The following TMEM245 variants were observed in gnomAD, a reference collection of about 807,000 sequenced individuals.
The protein encoded by TMEM245 is transmembrane protein 245, also known as protein CG-2.
Under a neutral mutation model 101.2 loss-of-function variants are expected in TMEM245, and 69 were observed. The ratio of observed to expected loss-of-function variants is 0.68; its 90% confidence interval spans 0.56 to 0.83. The LOEUF is 0.83. Ranked by LOEUF, TMEM245 falls within the 40% of genes least tolerant of loss-of-function variation. The pLI, the probability that TMEM245 is intolerant of heterozygous loss-of-function variation, is 0.00. For missense variants in TMEM245, 1,075 were observed against 1,092.8 expected, an observed-to-expected ratio of 0.98 and a Z score of 0.23; for synonymous variants, 537 against 449.8, an observed-to-expected ratio of 1.19 and a Z score of -2.45.
intron 9 of TMEM245, among the ~76,000 whole-genome samples, chr9:109,067,717 CATT>C (rs1425101713): frequency 6.6e-6 from 1 of 152,132 alleles, no homozygotes; most frequent in Non-Finnish European, 1.5e-5. Context: ...TGTATAACAT[CATT>C]ATTTTCTTTA....
At chr9:109,046,246 T>C in intron 14 of TMEM245, 1 of 534,596 alleles carries the variant, frequency 1.9e-6, no homozygotes, top group South Asian at 1.4e-5. Flanking sequence ...TCACACACAC[T>C]AAATTGCATT....
At chr9:109,101,336 G>C (rs536690365) in intron 3 of TMEM245, among the ~76,000 whole-genome samples, 7 of 152,150 alleles carry the variant, frequency 4.6e-5, no homozygotes, top group Admixed American at 2.0e-4. Flanking sequence ...AAATGACAAG[G>C]AAAGAGCCGA....
At position 109,035,188 on chromosome 9, in the gene TMEM245, GTTTC is replaced by G. The variant is rs922351807; in HGVS notation, c.2399+1014_2399+1017del. On this transcript the variant is annotated intron_variant, in intron 16 of 17. Coordinates refer to ENST00000374586, the MANE Select transcript of TMEM245 (RefSeq NM_032012.4). The stretch of plus-strand genomic sequence containing the variant: ...AAAAAAAAAAAAAAAAAAAGACAGT[GTTTC>G]TTTAATTCCAGCTGTAAACCTTAAT... Among the ~76,000 whole-genome samples the G allele has an allele frequency of 9.1e-4, 132 of 144,580 alleles. 1 individual carries two copies. The highest frequency in any genetic ancestry group is 3.0e-3 in the African/African-American group (121 of 39,844). The allele number at this position is 144,580 out of a possible 152,430, so 94.9% of individuals were successfully genotyped here.
rs1257967087 is a variant in TMEM245 at position 109,018,464 on chromosome 9, A to T, written c.*1996T>A. On this transcript the variant is annotated 3_prime_UTR_variant, in exon 18 of 18. Coordinates refer to ENST00000374586, the MANE Select transcript of TMEM245 (RefSeq NM_032012.4). ...GAAAAACATGAGTTACTTAGTGACC[A>T]AATCTAATACTCAGTGGAATAGCTG... The T allele has an allele frequency of 2.0e-5, 3 of 152,188 alleles. No homozygotes were observed. Among genetic ancestry groups the T allele is most frequent in the Admixed American group, 1.3e-4 (2 of 15,274 alleles). The allele number at this position is 152,188 out of a possible 1,614,324, so 9.4% of individuals were successfully genotyped here.
At chr9:109,042,177 T>A (rs1056211288) in intron 14 of TMEM245, among the ~76,000 whole-genome samples, 1 of 152,170 alleles carries the variant, frequency 6.6e-6, no homozygotes, top group African/African-American at 2.4e-5. Context: ...TCCGGTATGC[T>A]ACCTGCATGT....
rs1186683223 is a variant in TMEM245 at position 109,018,436 on chromosome 9, A to G, written c.*2024T>C. The stretch of plus-strand genomic sequence containing the variant: ...TTAGTGAATGAATGAATGATTGACT[A>G]AAGAAAAACATGAGTTACTTAGTGA... On this transcript the variant is annotated 3_prime_UTR_variant, in exon 18 of 18. Coordinates refer to ENST00000374586, the MANE Select transcript of TMEM245 (RefSeq NM_032012.4). The G allele has an allele frequency of 6.6e-6, 1 of 152,214 alleles. No homozygotes were observed. Among genetic ancestry groups the G allele is most frequent in the Non-Finnish European group, 1.5e-5 (1 of 68,038 alleles). 9.4% of individuals were successfully genotyped at this position (152,214 alleles called of 1,614,324 possible).
At position 109,020,474 on chromosome 9, in the gene TMEM245, A is replaced by T. The variant is rs776619685; in HGVS notation, c.2626T>A (p.Ser876Thr). 6.2e-7 allele frequency: 1 copy of T among 1,614,168 alleles called. No homozygotes were observed. Among genetic ancestry groups the T allele is most frequent in the South Asian group, 1.1e-5 (1 of 91,078 alleles). ...AGGAAACCACATCAACCTACTGAAG[A>T]TTTCAGATCTTCAGAAATGTCACGG... ...TFRDISEDLK[S>T]SVG The change falls in exon 18 of 18, where the codon TCT (serine) becomes ACT (threonine). Residue 876 changes from serine to threonine, a missense_variant. Ser to Thr is a moderately conservative substitution (Grantham distance 58, BLOSUM62 1). This residue lies in a region of TMEM245 where 267 missense variants were observed against 351.3 expected (regional missense o/e 0.76). Transcript: ENST00000374586.
chr9:109,085,364 A>C (rs1829800297), intron 7 of TMEM245, among the ~76,000 whole-genome samples: 1 of 152,250 alleles, frequency 6.6e-6, no homozygotes, highest in South Asian at 2.1e-4. Flanking sequence ...CCTTTATTGA[A>C]GTTATTAAAA....
rs1564173521 is a variant in TMEM245 at position 109,038,134 on chromosome 9, TA to T, written c.2124-18del. The T allele has an allele frequency of 2.5e-6, 4 of 1,596,374 alleles. No homozygotes were observed. Among genetic ancestry groups the T allele is most frequent in the Non-Finnish European group, 3.4e-6 (4 of 1,168,988 alleles). ...AACACCCCTCTGGAATGCCCAAAGA[TA>T]AAAAGAAAGAGTAAATAAACAGTGT... On this transcript the variant is annotated intron_variant, in intron 14 of 17. Transcript: ENST00000374586.
intron 5 of TMEM245, among the ~76,000 whole-genome samples, chr9:109,089,643 T>C (rs575732754): frequency 4.1e-4 from 62 of 152,214 alleles, no homozygotes; most frequent in Non-Finnish European, 6.8e-4. Context: ...AAATATTAGG[T>C]AAAAGATGTT....
At chr9:109,117,587 T>A (rs1057207785) in intron 1 of TMEM245, among the ~76,000 whole-genome samples, 2 of 152,230 alleles carry the variant, frequency 1.3e-5, no homozygotes, top group Admixed American at 1.3e-4. Flanking sequence ...TACGCCGAGC[T>A]GTGGATGTTT....
intron 11 of TMEM245, among the ~76,000 whole-genome samples, chr9:109,058,098 T>C (rs1051266182): frequency 2.0e-5 from 3 of 151,392 alleles, no homozygotes; most frequent in Non-Finnish European, 4.4e-5. Flanking sequence ...CCTCCCAGGT[T>C]CATGCCATTC....
chr9:109,106,660 T>C (rs1157210082), intron 2 of TMEM245, 51 bp from the exon 3 acceptor site: 1 of 1,367,410 alleles, frequency 7.3e-7, no homozygotes, highest in Non-Finnish European at 1.0e-6. Flanking sequence ...ACCTAGTACT[T>C]GTTTTTACAA....
intron 14 of TMEM245, among the ~76,000 whole-genome samples, chr9:109,049,255 C>G (rs1257180976): frequency 6.6e-6 from 1 of 152,208 alleles, no homozygotes; most frequent in Non-Finnish European, 1.5e-5. Context: ...ACTCTGTTGC[C>G]TAGGCTGCAG....
rs201141362 is a variant in TMEM245, at chr9:109,036,389, A to G, written c.2225-9T>C. 6.4e-7 allele frequency: 1 copy of G among 1,568,846 alleles called. No individual in the cohort carries two copies. The highest frequency in any genetic ancestry group is 1.2e-5 in the South Asian group (1 of 83,384). ...AAGGATTGCTGCTAATGCTGAAAAA[A>G]GAGTAAAAGAAAAACAACTTAACAT... On this transcript the variant is annotated splice_polypyrimidine_tract_variant and intron_variant, in intron 15 of 17. Coordinates refer to ENST00000374586, the MANE Select transcript of TMEM245 (RefSeq NM_032012.4).
Position 109,019,585 on chromosome 9 carries a change from T to C in TMEM245, c.*875A>G, listed in dbSNP as rs189172458. The C allele has an allele frequency of 3.3e-5, 5 of 152,392 alleles. No individual in the cohort carries two copies. Among genetic ancestry groups the C allele is most frequent in the Non-Finnish European group, 7.3e-5 (5 of 68,040 alleles). 9.4% of individuals were successfully genotyped at this position (152,392 alleles called of 1,614,324 possible). A position where few individuals can be genotyped will look rare whatever the true frequency, so the allele number is the denominator to read the frequency against. On this transcript the variant is annotated 3_prime_UTR_variant, in exon 18 of 18. Coordinates refer to ENST00000374586, the MANE Select transcript of TMEM245 (RefSeq NM_032012.4). ...GGGAAAATACTACATAAATACAAAATTCTGCTGAAAACTAACTTATTGGCA... is the reference window on the plus strand; with the variant it reads ...GGGAAAATACTACATAAATACAAAACTCTGCTGAAAACTAACTTATTGGCA...
chr9:109,099,276 G>C (rs549988186), intron 3 of TMEM245, among the ~76,000 whole-genome samples: 1 of 152,182 alleles, frequency 6.6e-6, no homozygotes, highest in Non-Finnish European at 1.5e-5. Context: ...ATCAGAAGTG[G>C]GGACTGGGAG....
intron 1 of TMEM245, among the ~76,000 whole-genome samples, chr9:109,118,186 C>T (rs77758843): frequency 0.013 from 2,034 of 152,314 alleles, 50 homozygotes; most frequent in African/African-American, 0.047. Flanking sequence ...CTAACATATG[C>T]TCGATCAACT....
At chr9:109,093,700 T>C (rs185327532) in intron 3 of TMEM245, 109 bp from the exon 4 acceptor site, 2 of 858,956 alleles carry the variant, frequency 2.3e-6, no homozygotes, top group African/African-American at 1.7e-5. Context: ...TGGTTACTAC[T>C]GACCCACTGA....
Sources: gnomAD v4.1 joint callset for allele counts (sites outside exome capture counted in the v4.1 genomes callset) on GRCh38, gnomAD v4.1.1 for gene constraint, gnomAD v4.1.1 regional missense constraint, MANE v1.5 for transcripts, NCBI Gene and HGNC (gene_info 2026-07-23, HGNC 2026-07-21) for gene names.